The following DSP variants were observed in gnomAD, a reference collection of about 807,000 sequenced individuals.
The protein encoded by DSP is desmoplakin.
Under a neutral mutation model 290.6 loss-of-function variants are expected in DSP, and 114 were observed. That is an observed-to-expected ratio of 0.39 (90% CI 0.34 to 0.46). The LOEUF is 0.46. Ranked by LOEUF, DSP falls within the 20% of genes least tolerant of loss-of-function variation. The probability of loss-of-function intolerance (pLI) is 0.99; values close to 1 mark genes in which losing one functional copy is unlikely to be tolerated. For missense variants in DSP, 3,230 were observed against 3,495.8 expected, an observed-to-expected ratio of 0.92 and a Z score of 1.92; for synonymous variants, 1,311 against 1,316.4, an observed-to-expected ratio of 1.00 and a Z score of 0.09.
At chr6:7,561,843 T>C (rs1758702969) in intron 4 of DSP, among the ~76,000 whole-genome samples, 1 of 152,192 alleles carries the variant, frequency 6.6e-6, no homozygotes, top group Admixed American at 6.5e-5. Context: ...GTCCAAGAGA[T>C]GACACAGGTG....
chr6:7,563,861 A>C (rs1221542313), intron 6 of DSP, 75 bp downstream of exon 6: 14 of 1,390,572 alleles, frequency 1.0e-5, no homozygotes, highest in Non-Finnish European at 1.2e-5. Flanking sequence ...AATATCAAGC[A>C]CATCCTGGCG....
At chr6:7,575,543 A>G in intron 18 of DSP, 55 bp downstream of exon 18, 2 of 1,605,712 alleles carry the variant, frequency 1.2e-6, no homozygotes, top group South Asian at 2.2e-5. Context: ...GGTTGTTCAC[A>G]AGATAATGTC....
intron 12 of DSP, 83 bp downstream of exon 12, chr6:7,569,423 C>T (rs1561688812): frequency 7.5e-6 from 12 of 1,593,316 alleles, no homozygotes; most frequent in Non-Finnish European, 5.2e-6. Context: ...ATACCTGAAG[C>T]TTAGACACAC....
rs141148057 is a variant in DSP, at chr6:7,584,114, A to G, written c.6852A>G (p.Arg2284=). The G allele has an allele frequency of 1.3e-5, 21 of 1,614,032 alleles. No homozygotes were observed. Among genetic ancestry groups the G allele is most frequent in the Non-Finnish European group, 1.8e-5 (21 of 1,180,034 alleles). The change falls in exon 24 of 24, where the codon CGA becomes CGG. Residue 2284 remains arginine, a synonymous_variant. Coordinates refer to ENST00000379802, the MANE Select transcript of DSP (RefSeq NM_004415.4). The surrounding 1 kb of genome is among the most constrained non-coding windows in gnomAD (Gnocchi z 6.4). Reference sequence around the variant, plus strand: ...AGGCCATGAAAATTGGCTTAGTCCGACCTGGTACTGCTCTGGAGTTGCTGG... The same window carrying G: ...AGGCCATGAAAATTGGCTTAGTCCGGCCTGGTACTGCTCTGGAGTTGCTGG... ...IYEAMKIGLV[R]PGTALELLEA...
intron 1 of DSP, among the ~76,000 whole-genome samples, chr6:7,553,731 A>G (rs1033860626): frequency 1.3e-5 from 2 of 152,168 alleles, no homozygotes; most frequent in African/African-American, 4.8e-5. Context: ...GAAGACAGAG[A>G]CTGGTTGCAT....
intron 12 of DSP, 90 bp downstream of exon 12, chr6:7,569,430 A>G (rs980445649): frequency 6.3e-7 from 1 of 1,585,764 alleles, no homozygotes; most frequent in Non-Finnish European, 8.7e-7. Flanking sequence ...AAGCTTAGAC[A>G]CACGATGCCT....
At position 7,585,676 on chromosome 6, in the gene DSP, C is replaced by T. The variant is rs761351091; in HGVS notation, c.8414C>T (p.Ala2805Val). The T allele has an allele frequency of 1.9e-6, 3 of 1,614,122 alleles. No homozygotes were observed. Among genetic ancestry groups the T allele is most frequent in the South Asian group, 1.1e-5 (1 of 91,086 alleles). The part of the protein sequence containing the change: ...EDITGLRLLE[A>V]ASVSSKGLPS... ...ATCACTGGGCTGCGCCTTCTGGAAG[C>T]CGCCTCCGTGTCGTCCAAGGGCTTA... The change falls in exon 24 of 24, where the codon GCC (alanine) becomes GTC (valine). Residue 2805 changes from alanine (A) to valine (V), a missense_variant. Transcript: ENST00000379802.
chr6:7,579,736 C>A lies in DSP; in HGVS notation c.3546C>A (p.Gly1182=), dbSNP rs1355395147. 6 of 1,613,534 alleles carry A rather than the reference C, an allele frequency of 3.7e-6. No individual in the cohort carries two copies. Among genetic ancestry groups the A allele is most frequent in the Non-Finnish European group, 4.2e-6 (5 of 1,179,746 alleles). The change falls in exon 23 of 24, where the codon GGC becomes GGA. Residue 1182 remains glycine, a synonymous_variant. Transcript: ENST00000379802. This position sits in a 1 kb window ranked among gnomAD's most constrained non-coding sequence, Gnocchi z 4.1. ...TGAGGGTTCTACTGCAGGAAGAAGG[C>A]ACCCGGAAGAGAGAATATGAAAATG... ...ERLRVLLQEE[G]TRKREYENEL...
intron 2 of DSP, among the ~76,000 whole-genome samples, chr6:7,556,921 C>A (rs1010403382): frequency 6.6e-6 from 1 of 152,206 alleles, no homozygotes; most frequent in African/African-American, 2.4e-5. Context: ...CATACACACA[C>A]ACACGTCATT....
rs771235236 is a variant in DSP at position 7,571,370 on chromosome 6, T to C, written c.1702-13T>C. ...TCATAAATCCCAAATCACTTCTGCC[T>C]GTCTCCTTTCAGCTGAAAACAATGC... On this transcript the variant is annotated splice_polypyrimidine_tract_variant and intron_variant, in intron 13 of 23. Transcript: ENST00000379802. 1.2e-6 allele frequency: 2 copies of C among 1,614,170 alleles called. No individual in the cohort carries two copies.
chr6:7,556,471 A>T (rs112535790), intron 2 of DSP, among the ~76,000 whole-genome samples: 3,802 of 152,236 alleles, frequency 0.025, 110 homozygotes, highest in South Asian at 0.087. Context: ...CAGAATAGAG[A>T]ATGGTGGGGC....
rs199509943 is a variant in DSP, at chr6:7,562,722, G to A, written c.668G>A (p.Gly223Asp). Reference sequence around the variant, plus strand: ...GAGCAGCACATTAACAGCCACCGGGGCATCCACAACTCCATCGGCGACTAT... The same window carrying A: ...GAGCAGCACATTAACAGCCACCGGGACATCCACAACTCCATCGGCGACTAT... ...SVEQHINSHR[G>D]IHNSIGDYRW... Residue 223 changes from glycine to aspartate, a missense_variant, in exon 5 of 24, where the codon GGC becomes GAC. This residue lies in a region of DSP where 646 missense variants were observed against 684.3 expected (regional missense o/e 0.94). Coordinates refer to ENST00000379802, the MANE Select transcript of DSP (RefSeq NM_004415.4). 2.1e-5 allele frequency: 34 copies of A among 1,614,082 alleles called. No individual in the cohort carries two copies. The highest frequency in any genetic ancestry group is 2.8e-5 in the Non-Finnish European group (33 of 1,180,006).
chr6:7,579,954 G>A lies in DSP; in HGVS notation c.3764G>A (p.Arg1255Lys), dbSNP rs777407386. 21 of 1,614,150 alleles carry A rather than the reference G, an allele frequency of 1.3e-5. No homozygotes were observed. Among genetic ancestry groups the A allele is most frequent in the Non-Finnish European group, 1.7e-5 (20 of 1,180,022 alleles). ...CGAGATCTGAAGGATGAAATTGTCAGGCTCAATGACAGCATCTTGCAGGCC... is the reference window on the plus strand; with the variant it reads ...CGAGATCTGAAGGATGAAATTGTCAAGCTCAATGACAGCATCTTGCAGGCC... ...ENRDLKDEIVRLNDSILQATE... is the reference protein window; with the variant it reads ...ENRDLKDEIVKLNDSILQATE... The change falls in exon 23 of 24, where the codon AGG becomes AAG. Residue 1255 changes from arginine (R) to lysine (K), a missense_variant. Arg to Lys is a conservative substitution (Grantham distance 26, BLOSUM62 2). Around this residue, in one of 5 missense-constraint regions of DSP, gnomAD observed 1,714 missense variants for 1,844.5 expected, o/e 0.93. Transcript: ENST00000379802. The surrounding 1 kb of genome is among the most constrained non-coding windows in gnomAD (Gnocchi z 4.1).
intron 23 of DSP, 85 bp downstream of exon 23, chr6:7,581,654 C>T: frequency 6.4e-7 from 1 of 1,558,914 alleles, no homozygotes; most frequent in Non-Finnish European, 8.7e-7. Context: ...GCTCTTTCTG[C>T]TTAAATAGAT....
rs767996714 is a variant in DSP at position 7,580,608 on chromosome 6, C to T, written c.4418C>T (p.Ala1473Val). 2 of 1,613,928 alleles carry T rather than the reference C, an allele frequency of 1.2e-6. No individual in the cohort carries two copies. The highest frequency in any genetic ancestry group is 1.3e-5 in the African/African-American group (1 of 74,866). Residue 1473 changes from alanine (A) to valine (V), a missense_variant, in exon 23 of 24, where the codon GCC becomes GTC. Ala to Val is a moderately conservative substitution (Grantham distance 64). Transcript: ENST00000379802. This position sits in a 1 kb window ranked among gnomAD's most constrained non-coding sequence, Gnocchi z 4.2. ...VRYKQSLDDA[A>V]KTIQDKNKEI... The stretch of plus-strand genomic sequence containing the variant: ...TATAAGCAATCTCTTGATGATGCTG[C>T]CAAAACCATCCAGGATAAAAACAAG...
rs779809935 is a variant in DSP at position 7,582,674 on chromosome 6, G to A, written c.5412G>A (p.Gln1804=). Residue 1804 remains glutamine, a synonymous_variant, in exon 24 of 24, where the codon CAG becomes CAA. Transcript: ENST00000379802. This position sits in a 1 kb window ranked among gnomAD's most constrained non-coding sequence, Gnocchi z 4.2. ...ATAGGATTCAGGAATCAAAGAATCA[G>A]TGTACTCAGGTGGTACAGGAAAGAG... The part of the protein sequence containing the change: ...ASNRIQESKN[Q]CTQVVQERES... 1.2e-6 allele frequency: 2 copies of A among 1,613,676 alleles called. No homozygotes were observed. Among genetic ancestry groups the A allele is most frequent in the South Asian group, 1.1e-5 (1 of 91,002 alleles).
chr6:7,561,828 G>C (rs1318084009), intron 4 of DSP, among the ~76,000 whole-genome samples: 1 of 152,142 alleles, frequency 6.6e-6, no homozygotes, highest in Non-Finnish European at 1.5e-5. Flanking sequence ...GTTTGCCCTT[G>C]GCATGTCCAA....
chr6:7,576,807 C>T, intron 19 of DSP, 152 bp from the exon 20 acceptor site: 2 of 748,706 alleles, frequency 2.7e-6, no homozygotes, highest in East Asian at 2.7e-5. Context: ...AAATGCTCAT[C>T]TCCTAAGCTG....
At chr6:7,562,211 T>C (rs1261158920) in intron 4 of DSP, among the ~76,000 whole-genome samples, 1 of 152,156 alleles carries the variant, frequency 6.6e-6, no homozygotes, top group Non-Finnish European at 1.5e-5. Context: ...TGCTTTTAGG[T>C]TGACTATTTA....
Sources: allele counts gnomAD v4.1 joint callset (sites outside exome capture counted in the v4.1 genomes callset), GRCh38; gene constraint gnomAD v4.1.1; regional missense constraint gnomAD v4.1.1; non-coding constraint Gnocchi (gnomAD v3.1); transcripts MANE v1.5; gene names NCBI Gene and HGNC (gene_info 2026-07-23, HGNC 2026-07-21).